GABRG3: variants seen among roughly 807,000 people sequenced by gnomAD.
GABRG3 encodes the protein gamma-aminobutyric acid type A receptor subunit gamma3.
Under a neutral mutation model 48.8 loss-of-function variants are expected in GABRG3, and 25 were observed. That is an observed-to-expected ratio of 0.51 (90% CI 0.37 to 0.72). The LOEUF is 0.72. Among genes scored for constraint, GABRG3 ranks in the 30% least tolerant of loss-of-function variants. The pLI is 0.00. For synonymous variants in GABRG3, 227 were observed against 217.6 expected (o/e 1.04, Z -0.38); for missense variants, 394 against 577.9 (o/e 0.68, Z 3.26).
Position 27,533,057 on chromosome 15 carries a change from TACACACACACATACATAC to T in GABRG3, c.*186_*203del. On this transcript the variant is annotated 3_prime_UTR_variant, in exon 10 of 10. Transcript: ENST00000615808. Reference sequence around the variant, plus strand: ...CAGCAAAGGTTTCTATTATGTATTTTACACACACACATACATACACACACACAGCTAATTGAGTTTTAA... The same window carrying T: ...CAGCAAAGGTTTCTATTATGTATTTTACACACACAGCTAATTGAGTTTTAA... 4 of 602,794 alleles carry T rather than the reference TACACACACACATACATAC, an allele frequency of 6.6e-6. No individual in the cohort carries two copies. The highest frequency in any genetic ancestry group is 8.8e-6 in the Non-Finnish European group (3 of 342,380). The allele number at this position is 602,794 out of a possible 1,614,324, so 37.3% of individuals were successfully genotyped here. A position where few individuals can be genotyped will look rare whatever the true frequency, so the allele number is the denominator to read the frequency against.
At chr15:26,979,076 G>GT (rs1448510554) in intron 2 of GABRG3, among the ~76,000 whole-genome samples, 2 of 152,082 alleles carry the variant, frequency 1.3e-5, no homozygotes, top group Admixed American at 6.6e-5. Flanking sequence ...TAAGTATTTT[G>GT]TTTTTTGGAG....
intron 3 of GABRG3, among the ~76,000 whole-genome samples, chr15:27,075,762 A>G (rs997852365): frequency 9.2e-5 from 14 of 152,140 alleles, no homozygotes; most frequent in African/African-American, 3.4e-4. Flanking sequence ...TTTTCTATGG[A>G]GGTATCAGGA....
chr15:27,250,471 G>A (rs1436091254), intron 3 of GABRG3, among the ~76,000 whole-genome samples: 1 of 152,146 alleles, frequency 6.6e-6, no homozygotes, highest in Non-Finnish European at 1.5e-5. Context: ...TCCCTCTGTT[G>A]TCCAGGCTGG....
chr15:27,399,149 A>G (rs1165124327), intron 5 of GABRG3, among the ~76,000 whole-genome samples: 1 of 152,204 alleles, frequency 6.6e-6, no homozygotes, highest in Non-Finnish European at 1.5e-5. Flanking sequence ...CAGCTAAAAT[A>G]TGTTATTTAT....
rs1047450496 is a variant in GABRG3, at chr15:26,998,796, G to A, written c.202+21646G>A. 3.3e-5 allele frequency among the ~76,000 whole-genome samples: 5 copies of A among 152,262 alleles called. No homozygotes were observed. The East Asian group carries it at 7.7e-4, about 24-fold the overall frequency. The stretch of plus-strand genomic sequence containing the variant: ...GTATCAGATTCGAGTTTTATAAAAC[G>A]AATCTAGGGTGGAGGAAGAGGCCAC... On this transcript the variant is annotated intron_variant, in intron 2 of 9. Transcript: ENST00000615808.
At chr15:27,216,582 T>C (rs1889253231) in intron 3 of GABRG3, among the ~76,000 whole-genome samples, 2 of 152,210 alleles carry the variant, frequency 1.3e-5, no homozygotes, top group South Asian at 4.1e-4. Flanking sequence ...CCACCGCACA[T>C]TTCTGAAACA....
chr15:27,101,324 A>T (rs1000936373), intron 3 of GABRG3, among the ~76,000 whole-genome samples: 5 of 152,228 alleles, frequency 3.3e-5, no homozygotes, highest in African/African-American at 1.2e-4. Flanking sequence ...CCCTAAGTAA[A>T]TGGAGAGATG....
intron 3 of GABRG3, among the ~76,000 whole-genome samples, chr15:27,111,536 G>C (rs1331319784): frequency 2.6e-5 from 4 of 152,102 alleles, no homozygotes; most frequent in Non-Finnish European, 5.9e-5. Context: ...TGCTGGCAGC[G>C]GGCTTTGTTT....
At chr15:27,392,504 A>G (rs1017565562) in intron 5 of GABRG3, among the ~76,000 whole-genome samples, 3 of 152,168 alleles carry the variant, frequency 2.0e-5, no homozygotes, top group Non-Finnish European at 1.5e-5. Context: ...CATACTATCA[A>G]TGCAACTTGT....
intron 2 of GABRG3, among the ~76,000 whole-genome samples, chr15:27,005,326 G>A (rs1438968596): frequency 4.6e-5 from 7 of 152,028 alleles, no homozygotes; most frequent in African/African-American, 7.2e-5. Context: ...TCAGCCTCCC[G>A]AGTAGCTGGG....
At chr15:27,522,140 G>A (rs534320059) in intron 7 of GABRG3, among the ~76,000 whole-genome samples, 22 of 151,924 alleles carry the variant, frequency 1.4e-4, no homozygotes, top group Non-Finnish European at 2.7e-4. Flanking sequence ...CTGTCATGTG[G>A]ATGAGCAAAA....
Position 27,236,634 on chromosome 15 carries a change from C to T in GABRG3, c.271-90175C>T, listed in dbSNP as rs7164819. Among the ~76,000 whole-genome samples the T allele has an allele frequency of 0.11, 16,428 of 152,172 alleles. 1,846 individuals carry two copies. The highest frequency in any genetic ancestry group is 0.28 in the African/African-American group (11,765 of 41,464). ...GTGACAGCCCACCAGTTTCACAATA[C>T]ACCTGTTCCTGATTAGAGACCACCA... On this transcript the variant is annotated intron_variant, in intron 3 of 9. Transcript: ENST00000615808. This position sits in a 1 kb window ranked among gnomAD's most constrained non-coding sequence, Gnocchi z 4.4.
At chr15:27,308,946 A>G (rs1049390017) in intron 3 of GABRG3, among the ~76,000 whole-genome samples, 1 of 143,028 alleles carries the variant, frequency 7.0e-6, no homozygotes, top group Non-Finnish European at 1.5e-5. Flanking sequence ...ATATAATGTA[A>G]ACATGTTTAT....
At chr15:27,530,613 G>T (rs1002839386) in intron 9 of GABRG3, 15 of 470,978 alleles carry the variant, frequency 3.2e-5, no homozygotes, top group Non-Finnish European at 3.5e-5. Flanking sequence ...TCTTGCTCCA[G>T]AAGCCATCCT....
At chr15:27,405,948 G>A (rs1414237893) in intron 5 of GABRG3, among the ~76,000 whole-genome samples, 1 of 152,074 alleles carries the variant, frequency 6.6e-6, no homozygotes, top group Non-Finnish European at 1.5e-5. Flanking sequence ...CAAAGATGGG[G>A]CATGTAAAAG....
chr15:27,450,495 A>G (rs1889076635), intron 5 of GABRG3, among the ~76,000 whole-genome samples: 2 of 152,216 alleles, frequency 1.3e-5, no homozygotes, highest in African/African-American at 4.8e-5. Flanking sequence ...CAGAAAAAGC[A>G]TTTGCCAAAA....
At chr15:27,402,278 CA>C (rs142142022) in intron 5 of GABRG3, among the ~76,000 whole-genome samples, 7,972 of 151,664 alleles carry the variant, frequency 0.053, 699 homozygotes, top group African/African-American at 0.19. Flanking sequence ...TGAAGACAGA[CA>C]AAAAAAATGC....
intron 3 of GABRG3, among the ~76,000 whole-genome samples, chr15:27,163,854 G>A (rs990019687): frequency 1.3e-5 from 2 of 152,182 alleles, no homozygotes; most frequent in Admixed American, 6.5e-5. Flanking sequence ...GAAGTAAACA[G>A]TTCTGTGTGG....
At chr15:27,365,407 G>A (rs991067020) in intron 5 of GABRG3, 10 of 149,994 alleles carry the variant, frequency 6.7e-5, no homozygotes, top group Non-Finnish European at 1.5e-4. Flanking sequence ...AAGTAACTCA[G>A]TATTTTGCCT....
Sources: allele counts gnomAD v4.1 joint callset (sites outside exome capture counted in the v4.1 genomes callset), GRCh38; gene constraint gnomAD v4.1.1; non-coding constraint Gnocchi (gnomAD v3.1); transcripts MANE v1.5; gene names NCBI Gene and HGNC (gene_info 2026-07-23, HGNC 2026-07-21).